The following MYO1E variants were observed in gnomAD, a reference collection of about 807,000 sequenced individuals.
MYO1E encodes myosin IE, also known as unconventional myosin-Ie.
A neutral mutation model predicts 151.1 loss-of-function variants in MYO1E; 68 were observed. The observed-to-expected ratio is 0.45, with a 90% CI of 0.37 to 0.55. MYO1E has a LOEUF of 0.55. Among genes scored for constraint, MYO1E ranks in the 20% least tolerant of loss-of-function variants. The pLI is 0.00. For synonymous variants in MYO1E, 601 were observed against 501.7 expected (o/e 1.20, Z -2.64); for missense variants, 1,363 against 1,389.3 (o/e 0.98, Z 0.30).
At chr15:59,142,887 T>G (rs80292573) in intron 26 of MYO1E, among the ~76,000 whole-genome samples, 4,362 of 139,184 alleles carry the variant, frequency 0.031, 86 homozygotes, top group Middle Eastern at 0.073. Flanking sequence ...TGTCCAATAT[T>G]ATCCTGGAAA....
intron 1 of MYO1E, among the ~76,000 whole-genome samples, chr15:59,296,319 A>G (rs2080448058): frequency 6.6e-6 from 1 of 152,240 alleles, no homozygotes; most frequent in Non-Finnish European, 1.5e-5. Flanking sequence ...CACAGCGTTC[A>G]CAGGCTGTCC....
At chr15:59,310,540 G>A (rs1390318882) in intron 1 of MYO1E, among the ~76,000 whole-genome samples, 1 of 152,148 alleles carries the variant, frequency 6.6e-6, no homozygotes, top group South Asian at 2.1e-4. Flanking sequence ...GCCAAGGCTG[G>A]CCAGCAACAC....
Position 59,161,056 on chromosome 15 carries a change from G to T in MYO1E, c.2785+17C>A. On this transcript the variant is annotated intron_variant, in intron 24 of 27. Transcript: ENST00000288235. ...GAGCGGCGGCAGTTCTGCCTGCAGG[G>T]CCCGTGGAGCACTTACGGGAGTTCT... 1 of 1,612,488 alleles carries T rather than the reference G, an allele frequency of 6.2e-7. No individual in the cohort carries two copies. The highest frequency in any genetic ancestry group is 8.5e-7 in the Non-Finnish European group (1 of 1,179,974).
At chr15:59,142,910 T>A (rs2079419060) in intron 26 of MYO1E, among the ~76,000 whole-genome samples, 2 of 107,116 alleles carry the variant, frequency 1.9e-5, no homozygotes, top group Non-Finnish European at 1.7e-5. Flanking sequence ...CTAGCCAGGG[T>A]AATTAGGTGC....
chr15:59,255,895 C>T (rs2080191408), intron 4 of MYO1E, among the ~76,000 whole-genome samples: 1 of 152,122 alleles, frequency 6.6e-6, no homozygotes, highest in African/African-American at 2.4e-5. Context: ...GCTACAGACA[C>T]CTAATGCTGG....
Position 59,172,032 on chromosome 15 carries a change from C to T in MYO1E, c.2345G>A (p.Arg782Gln), listed in dbSNP as rs769800490. The change falls in exon 22 of 28, where the codon CGA (arginine) becomes CAA (glutamine). Residue 782 changes from arginine to glutamine, a missense_variant. Physicochemically the swap from Arg to Gln is conservative, Grantham distance 43. Transcript: ENST00000288235. ...GCACTTTGGGGTAAGGAGCAGGTCT[C>T]GCTTTACACCCTGTAAGGAGAGGAG... ...KYDRRFKGVK[R>Q]DLLLTPKCLY... is the part of the protein sequence containing the mutation. 20 of 1,613,916 alleles carry T rather than the reference C, an allele frequency of 1.2e-5. No homozygotes were observed. The highest frequency in any genetic ancestry group is 6.7e-5 in the East Asian group (3 of 44,892).
At chr15:59,214,373 C>T in intron 11 of MYO1E, 59 bp from the exon 12 acceptor site, 1 of 1,299,564 alleles carries the variant, frequency 7.7e-7, no homozygotes, top group East Asian at 2.3e-5. Flanking sequence ...AAAGTCATTT[C>T]TGGAGTGATT....
chr15:59,280,055 TTCC>T (rs2080344305), intron 1 of MYO1E, among the ~76,000 whole-genome samples: 1 of 152,198 alleles, frequency 6.6e-6, no homozygotes, highest in African/African-American at 2.4e-5. Context: ...TGACACTGTT[TTCC>T]ATATTTTTTA....
chr15:59,182,820 G>A (rs1307810087), intron 18 of MYO1E, among the ~76,000 whole-genome samples: 1 of 152,130 alleles, frequency 6.6e-6, no homozygotes, highest in Non-Finnish European at 1.5e-5. Context: ...GTATCACAGG[G>A]TCCCTTACAC....
chr15:59,218,164 C>T (rs1215425312), intron 9 of MYO1E, 77 bp from the exon 10 acceptor site: 1 of 1,520,102 alleles, frequency 6.6e-7, no homozygotes, highest in Non-Finnish European at 9.1e-7. Context: ...CATATGGAGG[C>T]ACTTATGTGC....
chr15:59,167,079 C>T lies in MYO1E; in HGVS notation c.2481-3776G>A, dbSNP rs548833726. ...CCAATGCTTACAGACCATAGCAAGTCAAGATGCCAGTAATGCTTCAGGTCA... is the reference window on the plus strand; with the variant it reads ...CCAATGCTTACAGACCATAGCAAGTTAAGATGCCAGTAATGCTTCAGGTCA... On this transcript the variant is annotated intron_variant, in intron 22 of 27. Transcript: ENST00000288235. Among the ~76,000 whole-genome samples, 3 of 152,274 alleles carry T rather than the reference C, an allele frequency of 2.0e-5. No individual in the cohort carries two copies. The East Asian group carries it at 5.8e-4, about 29-fold the overall frequency.
chr15:59,237,704 C>A (rs995292078), intron 4 of MYO1E, among the ~76,000 whole-genome samples: 13 of 152,110 alleles, frequency 8.5e-5, no homozygotes, highest in Non-Finnish European at 1.9e-4. Context: ...AATATCCAGC[C>A]CAAATTAATT....
chr15:59,212,835 G>C (rs1316419202), intron 12 of MYO1E: 1 of 152,174 alleles, frequency 6.6e-6, no homozygotes, highest in African/African-American at 2.4e-5. Context: ...TATAGACACA[G>C]AGGGACATTG....
intron 1 of MYO1E, among the ~76,000 whole-genome samples, chr15:59,320,825 T>C (rs565201471): frequency 8.6e-5 from 13 of 152,034 alleles, no homozygotes; most frequent in Admixed American, 2.6e-4. Flanking sequence ...AAAACAAAAA[T>C]TGACAGGTGG....
intron 1 of MYO1E, among the ~76,000 whole-genome samples, chr15:59,313,696 T>G (rs1216071134): frequency 6.6e-6 from 1 of 152,194 alleles, no homozygotes; most frequent in African/African-American, 2.4e-5. Flanking sequence ...TTGTGTTGGC[T>G]CTGTAGCCCC....
intron 13 of MYO1E, 63 bp downstream of exon 13, chr15:59,210,451 G>C: frequency 1.7e-6 from 2 of 1,157,184 alleles, no homozygotes; most frequent in Non-Finnish European, 2.6e-6. Flanking sequence ...ATGACACAGA[G>C]AATAAAAACT....
chr15:59,178,189 A>G (rs1306045619), intron 19 of MYO1E, among the ~76,000 whole-genome samples: 1 of 152,244 alleles, frequency 6.6e-6, no homozygotes, highest in Non-Finnish European at 1.5e-5. Context: ...TCTGCAGGAA[A>G]TGAACCGGGC....
At chr15:59,178,636 G>A in intron 18 of MYO1E, 99 bp from the exon 19 acceptor site, 5 of 1,438,596 alleles carry the variant, frequency 3.5e-6, no homozygotes, top group Non-Finnish European at 4.7e-6. Context: ...AAGGTGCCCA[G>A]TGCTGCAAAG....
chr15:59,368,660 C>T (rs2080928019), intron 1 of MYO1E, among the ~76,000 whole-genome samples: 1 of 151,966 alleles, frequency 6.6e-6, no homozygotes, highest in Non-Finnish European at 1.5e-5. Context: ...GCAGGAGAAT[C>T]GTTTGAAACC....
Sources: allele counts gnomAD v4.1 joint callset (sites outside exome capture counted in the v4.1 genomes callset), GRCh38; gene constraint gnomAD v4.1.1; transcripts MANE v1.5; gene names NCBI Gene and HGNC (gene_info 2026-07-23, HGNC 2026-07-21).